The following CFAP184 variants were observed in gnomAD, a reference collection of about 807,000 sequenced individuals.
CFAP184 encodes cilia and flagella associated protein 184.
At chr4:7,042,438 C>T in the CFAP184 span, 1,644 of 1,611,762 alleles carry the variant, frequency 1.0e-3, 28 homozygotes, top group African/African-American at 0.019. Context: ...CCTCTTCCTC[C>T]CCCTCCACCC....
chr4:7,041,910 G>A, the CFAP184 span: 2 of 1,612,582 alleles, frequency 1.2e-6, no homozygotes, highest in Non-Finnish European at 1.7e-6. Flanking sequence ...TCCGACAGCT[G>A]CCCATGGCCT....
At chr4:7,041,241 G>A in the CFAP184 span, 29 of 1,534,120 alleles carry the variant, frequency 1.9e-5, no homozygotes, top group Non-Finnish European at 2.4e-5. Flanking sequence ...TGAGGATGAA[G>A]TGTTTTGCAG....
the CFAP184 span, chr4:7,042,297 C>G: frequency 7.5e-6 from 12 of 1,592,796 alleles, no homozygotes; most frequent in Admixed American, 1.5e-4. Flanking sequence ...TCTGGACCTC[C>G]TCGGACCACT....
chr4:7,042,515 C>A, the CFAP184 span: 1 of 1,605,374 alleles, frequency 6.2e-7, no homozygotes, highest in Non-Finnish European at 8.5e-7. Context: ...GGCAGAGAGG[C>A]CTGGAACCTG....
At chr4:7,041,604 G>A in the CFAP184 span, 18 of 1,614,106 alleles carry the variant, frequency 1.1e-5, no homozygotes, top group Middle Eastern at 1.6e-4. Flanking sequence ...TTTCCTTCAC[G>A]TGGGTTATTA....
the CFAP184 span, chr4:7,041,439 G>A: frequency 6.2e-7 from 1 of 1,614,218 alleles, no homozygotes; most frequent in South Asian, 1.1e-5. Flanking sequence ...TGCCTAGAAG[G>A]CCGCACTTCT....
chr4:7,040,968 T>A, the CFAP184 span: 1 of 308,364 alleles, frequency 3.2e-6, no homozygotes, highest in Non-Finnish European at 6.0e-6. Context: ...TCTTTAGTAT[T>A]ACATCACTGA....
the CFAP184 span, chr4:7,042,898 T>C: frequency 6.4e-7 from 1 of 1,550,936 alleles, no homozygotes. Flanking sequence ...GTCTCCGCCT[T>C]CCCCGCCGGG....
At chr4:7,041,096 C>T in the CFAP184 span, 3 of 985,204 alleles carry the variant, frequency 3.0e-6, no homozygotes. Flanking sequence ...AGATAAAACT[C>T]CTAACCCAGG....
chr4:7,042,851 C>A, the CFAP184 span: 3 of 1,577,282 alleles, frequency 1.9e-6, no homozygotes, highest in Non-Finnish European at 2.6e-6. Flanking sequence ...CCAGAGCTGG[C>A]CTTGATCTTG....
chr4:7,042,277 T>G, the CFAP184 span: 1 of 1,591,668 alleles, frequency 6.3e-7, no homozygotes, highest in Non-Finnish European at 8.6e-7. Flanking sequence ...CAGCTGCTGC[T>G]CCTGCAGCTT....
chr4:7,041,608 GTTA>G, the CFAP184 span: 10 of 1,614,214 alleles, frequency 6.2e-6, no homozygotes, highest in Middle Eastern at 6.6e-4. Context: ...CTTCACGTGG[GTTA>G]TTACTTGCAC....
the CFAP184 span, chr4:7,042,472 G>A: frequency 6.2e-7 from 1 of 1,610,518 alleles, no homozygotes. Flanking sequence ...CTCCGGGGCT[G>A]CAGCAGCCTC....
chr4:7,041,572 T>C, the CFAP184 span: 3 of 1,614,268 alleles, frequency 1.9e-6, no homozygotes, highest in Non-Finnish European at 2.5e-6. Flanking sequence ...GCACGCGTTC[T>C]CCATGTCCAT....
the CFAP184 span, chr4:7,042,555 T>A: frequency 1.3e-6 from 2 of 1,574,192 alleles, no homozygotes; most frequent in East Asian, 4.5e-5. Context: ...CCTGCTCCAG[T>A]TCCTCCGCCC....
At chr4:7,041,394 C>T in the CFAP184 span, 2 of 1,614,212 alleles carry the variant, frequency 1.2e-6, no homozygotes, top group Non-Finnish European at 1.7e-6. Context: ...CGGTCTTGTC[C>T]ACCTTTTCTT....
At chr4:7,041,739 G>A in the CFAP184 span, 2 of 1,614,010 alleles carry the variant, frequency 1.2e-6, no homozygotes, top group East Asian at 4.5e-5. Context: ...GCAGACCCTG[G>A]GTCAGGTCCT....
chr4:7,042,753 G>T, the CFAP184 span: 5 of 1,528,898 alleles, frequency 3.3e-6, no homozygotes, highest in African/African-American at 1.4e-5. Context: ...GCTCGTCCGC[G>T]GCGGTGCCTC....
chr4:7,042,725 C>T, the CFAP184 span: 6 of 1,518,676 alleles, frequency 4.0e-6, no homozygotes, highest in African/African-American at 2.8e-5. Flanking sequence ...GCCGTTAGCC[C>T]TTTCGGGGCC....
Sources: gnomAD v4.1 joint callset for allele counts on GRCh38, gnomAD v4.1.1 for gene constraint, MANE v1.5 for transcripts, NCBI Gene and HGNC (gene_info 2026-07-23, HGNC 2026-07-21) for gene names.